TBC1D2B: variants seen among roughly 807,000 people sequenced by gnomAD.
The protein encoded by TBC1D2B is TBC1 domain family, member 2B.
Under a neutral mutation model 100.8 loss-of-function variants are expected in TBC1D2B, and 64 were observed. The ratio of observed to expected loss-of-function variants is 0.64; its 90% CI spans 0.52 to 0.78. TBC1D2B has a LOEUF of 0.78. Ranked by LOEUF, TBC1D2B falls within the 30% of genes least tolerant of loss-of-function variation. The probability of loss-of-function intolerance (pLI) is 0.00; values close to 1 mark genes in which losing one functional copy is unlikely to be tolerated. For synonymous variants in TBC1D2B, 480 were observed against 479.7 expected (o/e 1.00, Z -0.01); for missense variants, 1,052 against 1,218.4 (o/e 0.86, Z 2.03).
chr15:78,010,092 A>C (rs932017312), intron 9 of TBC1D2B, among the ~76,000 whole-genome samples: 1 of 152,234 alleles, frequency 6.6e-6, no homozygotes, highest in Non-Finnish European at 1.5e-5. Flanking sequence ...GTAACAAAGA[A>C]TACAGAATGG....
rs2071717256 is a variant in TBC1D2B at position 77,995,202 on chromosome 15, GCC to G, written c.*2956_*2957del. The G allele has an allele frequency of 6.6e-6, 1 of 152,174 alleles. No individual in the cohort carries two copies. The highest frequency in any genetic ancestry group is 2.1e-4 in the South Asian group (1 of 4,830). The allele number at this position is 152,174 out of a possible 1,614,324, so 9.4% of individuals were successfully genotyped here. On this transcript the variant is annotated 3_prime_UTR_variant, in exon 13 of 13. Coordinates refer to ENST00000300584, the MANE Select transcript of TBC1D2B (RefSeq NM_144572.2). ...AGGACTTCCCCGGGCAGGCCCAGCTGCCCAGAAGCCCCGGAACACACAGGAAG... is the reference window on the plus strand; with the variant it reads ...AGGACTTCCCCGGGCAGGCCCAGCTGCAGAAGCCCCGGAACACACAGGAAG...
At chr15:78,056,992 G>A (rs1321562112) in intron 1 of TBC1D2B, among the ~76,000 whole-genome samples, 1 of 152,116 alleles carries the variant, frequency 6.6e-6, no homozygotes. Flanking sequence ...ATGCAGCTGT[G>A]TTTCTATTTA....
At chr15:78,052,091 G>A (rs1297865413) in intron 2 of TBC1D2B, among the ~76,000 whole-genome samples, 1 of 152,090 alleles carries the variant, frequency 6.6e-6, no homozygotes, top group Non-Finnish European at 1.5e-5. Flanking sequence ...TCTGGCTCTG[G>A]GTCCCAGGTG....
Position 77,995,938 on chromosome 15 carries a change from C to T in TBC1D2B, c.*2222G>A, listed in dbSNP as rs1331345483. 4.6e-5 allele frequency: 7 copies of T among 151,488 alleles called. No individual in the cohort carries two copies. The South Asian group carries it at 6.3e-4, about 14-fold the overall frequency. 9.4% of individuals were successfully genotyped at this position (151,488 alleles called of 1,614,324 possible). A position where few individuals can be genotyped will look rare whatever the true frequency, so the allele number is the denominator to read the frequency against. On this transcript the variant is annotated 3_prime_UTR_variant, in exon 13 of 13. Transcript: ENST00000300584. Reference sequence around the variant, plus strand: ...CAGAGCAGCTCTTTCCTCAGTGACCCGAGGGAGGGGAAGTGTTAGCGCAAA... The same window carrying T: ...CAGAGCAGCTCTTTCCTCAGTGACCTGAGGGAGGGGAAGTGTTAGCGCAAA...
chr15:78,006,112 G>C (rs1235004458), intron 10 of TBC1D2B, among the ~76,000 whole-genome samples: 1 of 152,076 alleles, frequency 6.6e-6, no homozygotes, highest in Admixed American at 6.5e-5. Flanking sequence ...GCTCACAGGA[G>C]GTAGGGCCTG....
chr15:78,018,613 G>T (rs970260667), intron 6 of TBC1D2B, among the ~76,000 whole-genome samples: 1 of 152,152 alleles, frequency 6.6e-6, no homozygotes, highest in Non-Finnish European at 1.5e-5. Context: ...GTCTATAAAA[G>T]AACATAACAA....
chr15:78,024,016 G>T, intron 6 of TBC1D2B, 140 bp downstream of exon 6: 3 of 1,063,910 alleles, frequency 2.8e-6, no homozygotes, highest in East Asian at 2.6e-5. Flanking sequence ...TTGATGGTAA[G>T]TCCTGTTACA....
In TBC1D2B at chr15:78,017,512, A is replaced by G. The variant is rs566850574; in HGVS notation, c.1581+335T>C. On this transcript the variant is annotated intron_variant, in intron 7 of 12. Transcript: ENST00000300584. ...TTTGTTTTCTTCAAAATCTATTAAA[A>G]ATGCTTATGAACAAAGGTACACAAA... is the stretch of plus-strand genomic sequence containing the variant. 5.3e-5 allele frequency among the ~76,000 whole-genome samples: 8 copies of G among 152,328 alleles called. No homozygotes were observed. In the East Asian group the frequency reaches 1.5e-3, roughly 29 times the overall value.
chr15:78,045,162 A>C, intron 2 of TBC1D2B, 94 bp from the exon 3 acceptor site: 1 of 1,112,914 alleles, frequency 9.0e-7, no homozygotes, highest in Non-Finnish European at 1.3e-6. Flanking sequence ...ACTATATAAA[A>C]ATCTAAACTA....
chr15:78,075,741 G>A (rs1474735616), intron 1 of TBC1D2B, among the ~76,000 whole-genome samples: 3 of 152,170 alleles, frequency 2.0e-5, no homozygotes, highest in Non-Finnish European at 4.4e-5. Context: ...GAAACAGGCT[G>A]TCTGCACCCA....
chr15:78,071,371 C>T (rs2073740644), intron 1 of TBC1D2B, among the ~76,000 whole-genome samples: 1 of 152,162 alleles, frequency 6.6e-6, no homozygotes, highest in African/African-American at 2.4e-5. Context: ...TAAAACACAG[C>T]TATACTCATT....
At chr15:78,019,862 C>A (rs1359845721) in intron 6 of TBC1D2B, among the ~76,000 whole-genome samples, 1 of 147,298 alleles carries the variant, frequency 6.8e-6, no homozygotes, top group Non-Finnish European at 1.5e-5. Context: ...GCACTCCAAA[C>A]TGGGTGAAAT....
chr15:78,025,424 T>C lies in TBC1D2B; in HGVS notation c.921A>G (p.Ile307Met). ...PYKGKRPLKD[I>M]IGSYKNRHSS... The stretch of plus-strand genomic sequence containing the variant: ...TGTGACGATTTTTGTACGACCCAAT[T>C]ATGTCTTTCAAAGGGCGCTTTCCTT... Residue 307 changes from isoleucine to methionine, a missense_variant, in exon 5 of 13, where the codon ATA (isoleucine) becomes ATG (methionine). Coordinates refer to ENST00000300584, the MANE Select transcript of TBC1D2B (RefSeq NM_144572.2). 1.2e-6 allele frequency: 2 copies of C among 1,613,942 alleles called. No individual in the cohort carries two copies. The highest frequency in any genetic ancestry group is 1.7e-6 in the Non-Finnish European group (2 of 1,179,882).
chr15:78,044,768 G>T, intron 3 of TBC1D2B, 132 bp downstream of exon 3: 1 of 806,308 alleles, frequency 1.2e-6, no homozygotes, highest in Non-Finnish European at 1.9e-6. Flanking sequence ...ATGATCTATG[G>T]GAAAGTATGA....
chr15:78,001,687 C>A lies in TBC1D2B; in HGVS notation c.2628G>T (p.Leu876Phe). 1 of 1,608,492 alleles carries A rather than the reference C, an allele frequency of 6.2e-7. No homozygotes were observed. Among genetic ancestry groups the A allele is most frequent in the East Asian group, 2.2e-5 (1 of 44,794 alleles). Residue 876 changes from leucine (L) to phenylalanine (F), a missense_variant, in exon 12 of 13, where the codon TTG becomes TTT. Physicochemically the swap from Leu to Phe is conservative, Grantham distance 22. Around this residue, in one of 4 missense-constraint regions of TBC1D2B, gnomAD observed 373 missense variants for 464.9 expected, o/e 0.80. Coordinates refer to ENST00000300584, the MANE Select transcript of TBC1D2B (RefSeq NM_144572.2). ...ATATAGACATCGAATCTTGCAATTT[C>A]AAAATCTCCTCTTCCTTGTACTTAA... is the stretch of plus-strand genomic sequence containing the variant. Reference protein sequence around the residue: ...ALFKYKEEEILKLQDSMSIFK... With the variant: ...ALFKYKEEEIFKLQDSMSIFK...
chr15:78,060,537 G>A (rs2073521747), intron 1 of TBC1D2B, among the ~76,000 whole-genome samples: 1 of 151,938 alleles, frequency 6.6e-6, no homozygotes, highest in South Asian at 2.1e-4. Context: ...AGCTACTCAG[G>A]AGGCTGAAGT....
chr15:78,018,049 A>G (rs2072421720), intron 6 of TBC1D2B, 92 bp from the exon 7 acceptor site: 1 of 637,410 alleles, frequency 1.6e-6, no homozygotes, highest in Admixed American at 3.2e-5. Flanking sequence ...TGCTTCACCA[A>G]TCAAATAGCC....
intron 3 of TBC1D2B, among the ~76,000 whole-genome samples, chr15:78,044,057 T>C (rs2073145225): frequency 6.8e-6 from 1 of 146,864 alleles, no homozygotes; most frequent in South Asian, 2.1e-4. Context: ...AAAAAACAAA[T>C]TCATAGAGAT....
intron 10 of TBC1D2B, 41 bp from the exon 11 acceptor site, chr15:78,003,531 A>G: frequency 6.5e-7 from 1 of 1,541,908 alleles, no homozygotes; most frequent in Non-Finnish European, 8.9e-7. Context: ...CAGGCCTGCC[A>G]GGTCACCGGG....
Sources: allele counts gnomAD v4.1 joint callset (sites outside exome capture counted in the v4.1 genomes callset), GRCh38; gene constraint gnomAD v4.1.1; regional missense constraint gnomAD v4.1.1; transcripts MANE v1.5; gene names NCBI Gene and HGNC (gene_info 2026-07-23, HGNC 2026-07-21).